MAF: variants seen among roughly 807,000 people sequenced by gnomAD.
The protein encoded by MAF is MAF bZIP transcription factor, also known as transcription factor Maf.
In MAF, 10 loss-of-function variants were observed where a neutral mutation model predicts 22.0. That is an observed-to-expected ratio of 0.45 (90% CI 0.28 to 0.77). The LOEUF (loss-of-function observed/expected upper bound fraction) is 0.77, where lower values mean the gene tolerates loss of function less well. Among genes scored for constraint, MAF ranks in the 30% least tolerant of loss-of-function variants. The pLI, the probability that MAF is intolerant of heterozygous loss-of-function variation, is 0.12. For synonymous variants in MAF, 337 were observed against 255.8 expected (o/e 1.32, Z -3.03); for missense variants, 544 against 548.4 (o/e 0.99, Z 0.08).
the MAF span, among the ~76,000 whole-genome samples, chr16:79,503,614 A>G: frequency 5.9e-5 from 9 of 152,258 alleles, no homozygotes; most frequent in African/African-American, 2.2e-4. Flanking sequence ...TACTCTCCAG[A>G]GTGTGAACTC....
the MAF span, among the ~76,000 whole-genome samples, chr16:79,268,517 G>C: frequency 6.6e-6 from 1 of 152,168 alleles, no homozygotes; most frequent in Admixed American, 6.5e-5. Flanking sequence ...GTTAGCAATT[G>C]TGACCACCTT....
At chr16:79,572,877 G>C in the MAF span, among the ~76,000 whole-genome samples, 1 of 152,208 alleles carries the variant, frequency 6.6e-6, no homozygotes, top group Non-Finnish European at 1.5e-5. Context: ...AAGGTGTTAT[G>C]TCTGTGAATA....
At chr16:79,596,088 C>A (rs148905186) in intron 1 of MAF, 4 of 1,061,966 alleles carry the variant, frequency 3.8e-6, no homozygotes, top group Non-Finnish European at 4.6e-6. Context: ...TGCATATGTG[C>A]GCAAGCCACC....
At chr16:79,595,088 T>C in intron 1 of MAF, 2 of 1,045,478 alleles carry the variant, frequency 1.9e-6, no homozygotes, top group Non-Finnish European at 1.2e-6. Flanking sequence ...CCATTTCTGC[T>C]TCTTCAGAGT....
intron 1 of MAF, chr16:79,595,398 G>T: frequency 9.5e-7 from 1 of 1,053,258 alleles, no homozygotes; most frequent in Middle Eastern, 4.3e-4. Context: ...CTTTCAGTCA[G>T]AGTTGCAATA....
the MAF span, among the ~76,000 whole-genome samples, chr16:79,409,666 A>C: frequency 6.6e-6 from 1 of 152,236 alleles, no homozygotes; most frequent in Non-Finnish European, 1.5e-5. Flanking sequence ...TGGTATAAAC[A>C]GCAACGCTCA....
chr16:79,212,352 C>A, the MAF span: 1 of 614,210 alleles, frequency 1.6e-6, no homozygotes, highest in Non-Finnish European at 2.7e-6. Context: ...ATGACAGTGA[C>A]ACCCAGAGGG....
At chr16:79,358,972 A>T in the MAF span, among the ~76,000 whole-genome samples, 10 of 152,278 alleles carry the variant, frequency 6.6e-5, 1 homozygote, top group Admixed American at 6.5e-5. Flanking sequence ...CCACAGATTT[A>T]GAGTGCCGGA....
the MAF span, among the ~76,000 whole-genome samples, chr16:79,490,454 T>A: frequency 7.9e-5 from 12 of 151,982 alleles, no homozygotes; most frequent in Non-Finnish European, 1.5e-5. Context: ...GCTTTAAGAG[T>A]CTCTGGTTTT....
chr16:79,558,727 C>A, the MAF span, among the ~76,000 whole-genome samples: 1 of 152,082 alleles, frequency 6.6e-6, no homozygotes, highest in Non-Finnish European at 1.5e-5. Flanking sequence ...GCCTTACTAC[C>A]CAGCTAGGGT....
At chr16:79,545,183 A>G in the MAF span, among the ~76,000 whole-genome samples, 1 of 151,564 alleles carries the variant, frequency 6.6e-6, no homozygotes, top group Non-Finnish European at 1.5e-5. Context: ...AATGTGGAGG[A>G]AAAAAAAGTG....
chr16:79,447,903 A>AG, the MAF span, among the ~76,000 whole-genome samples: 5 of 147,746 alleles, frequency 3.4e-5, no homozygotes, highest in African/African-American at 1.2e-4. Context: ...AAAAAAAAAA[A>AG]AAAAAAGAAA....
the MAF span, among the ~76,000 whole-genome samples, chr16:79,488,103 G>A: frequency 3.9e-5 from 6 of 152,294 alleles, no homozygotes; most frequent in Admixed American, 2.6e-4. Context: ...CTGGAGTGAC[G>A]CATTGGCACG....
the MAF span, among the ~76,000 whole-genome samples, chr16:79,447,832 C>T: frequency 7.8e-6 from 1 of 128,222 alleles, no homozygotes; most frequent in Non-Finnish European, 1.6e-5. Flanking sequence ...AGGTGGAGGA[C>T]GTTGTTGTTA....
chr16:79,212,058 G>GAAA, the MAF span: 64 of 1,536,330 alleles, frequency 4.2e-5, no homozygotes, highest in Non-Finnish European at 5.5e-5. Flanking sequence ...GTAAAAACCT[G>GAAA]CTTGGTGTGT....
the MAF span, among the ~76,000 whole-genome samples, chr16:79,527,970 C>T: frequency 7.2e-5 from 11 of 152,142 alleles, no homozygotes; most frequent in South Asian, 2.3e-3. Context: ...GGCAAAACCC[C>T]ATCTCTACTA....
the MAF span, among the ~76,000 whole-genome samples, chr16:79,541,380 C>T: frequency 6.6e-6 from 1 of 152,118 alleles, no homozygotes; most frequent in African/African-American, 2.4e-5. Context: ...AACCCAAACC[C>T]TTGTTGAGTG....
At chr16:79,405,208 G>A in the MAF span, among the ~76,000 whole-genome samples, 2 of 152,284 alleles carry the variant, frequency 1.3e-5, no homozygotes, top group East Asian at 1.9e-4. Flanking sequence ...AATGTCCAAA[G>A]GATGGAGGGG....
the MAF span, among the ~76,000 whole-genome samples, chr16:79,213,063 G>A: frequency 6.6e-6 from 1 of 152,130 alleles, no homozygotes; most frequent in Non-Finnish European, 1.5e-5. Context: ...TTGAGAATGG[G>A]AGCTGTGCAG....
Sources: allele counts gnomAD v4.1 joint callset (sites outside exome capture counted in the v4.1 genomes callset), GRCh38; gene constraint gnomAD v4.1.1; transcripts MANE v1.5; gene names NCBI Gene and HGNC (gene_info 2026-07-23, HGNC 2026-07-21).